Variants in USP12 observed in about 807,000 individuals in gnomAD.
USP12 encodes the protein ubiquitin carboxyl-terminal hydrolase 12.
USP12 carries 19 observed loss-of-function variants against 45.5 expected under a neutral mutation model. The observed-to-expected ratio is 0.42, with a 90% CI of 0.29 to 0.61. The LOEUF (loss-of-function observed/expected upper bound fraction) is 0.61, where lower values mean the gene tolerates loss of function less well. Among genes scored for constraint, USP12 ranks in the 20% least tolerant of loss-of-function variants. USP12 has a pLI of 0.22. For missense variants in USP12, 242 were observed against 447.7 expected (o/e 0.54, Z 4.15); for synonymous variants, 149 against 148.8 (o/e 1.00, Z -0.01).
intron 2 of USP12, among the ~76,000 whole-genome samples, chr13:27,111,714 A>C (rs1389684163): frequency 6.6e-6 from 1 of 152,226 alleles, no homozygotes; most frequent in African/African-American, 2.4e-5. Flanking sequence ...TAAAAATGTA[A>C]AGGAATGCAA....
At chr13:27,102,300 T>C (rs1593184708) in intron 3 of USP12, among the ~76,000 whole-genome samples, 1 of 152,164 alleles carries the variant, frequency 6.6e-6, no homozygotes, top group African/African-American at 2.4e-5. Context: ...AGGCAGTACC[T>C]GTAAAGAGAG....
chr13:27,086,195 A>ATATATATATAT (rs1326329926), intron 6 of USP12, among the ~76,000 whole-genome samples: 7 of 61,990 alleles, frequency 1.1e-4, no homozygotes, highest in East Asian at 5.4e-4. Context: ...AAAAAAAAAA[A>ATATATATATAT]AAATATATAT....
At chr13:27,169,801 A>T (rs1200276289) in intron 1 of USP12, among the ~76,000 whole-genome samples, 1 of 152,168 alleles carries the variant, frequency 6.6e-6, no homozygotes, top group Non-Finnish European at 1.5e-5. Flanking sequence ...AACACCAAGA[A>T]AACAGGGGCT....
chr13:27,095,091 G>A (rs776662456), intron 4 of USP12, among the ~76,000 whole-genome samples: 4 of 152,162 alleles, frequency 2.6e-5, no homozygotes, highest in Non-Finnish European at 5.9e-5. Flanking sequence ...GGAAGTCGAG[G>A]CTACAGTGAG....
chr13:27,132,788 T>C (rs922968199), intron 1 of USP12, among the ~76,000 whole-genome samples: 1 of 152,184 alleles, frequency 6.6e-6, no homozygotes, highest in Non-Finnish European at 1.5e-5. Context: ...TCTTCTCTGC[T>C]CTCTCCACTC....
In USP12 at chr13:27,083,565, G is replaced by A. The variant is rs374541339; in HGVS notation, c.734+6318C>T. Among the ~76,000 whole-genome samples, 86 of 152,194 alleles carry A rather than the reference G, an allele frequency of 5.7e-4. 2 individuals carry two copies. In the South Asian group the frequency reaches 0.016, roughly 29 times the overall value. Reference sequence around the variant, plus strand: ...TCACCTATATGCTTTAACCTCCCATGGGATAAACGTATATGACCATTAGAG... The same window carrying A: ...TCACCTATATGCTTTAACCTCCCATAGGATAAACGTATATGACCATTAGAG... On this transcript the variant is annotated intron_variant, in intron 6 of 8. Coordinates refer to ENST00000282344, the MANE Select transcript of USP12 (RefSeq NM_182488.4).
chr13:27,148,858 A>C lies in USP12; in HGVS notation c.48+22734T>G, dbSNP rs190205374. On this transcript the variant is annotated intron_variant, in intron 1 of 8. Coordinates refer to ENST00000282344, the MANE Select transcript of USP12 (RefSeq NM_182488.4). ...TCCAACACCTTGTCATGATAAAAACATAGAAAAGAATTCCTCTCTGAATAC... is the reference window on the plus strand; with the variant it reads ...TCCAACACCTTGTCATGATAAAAACCTAGAAAAGAATTCCTCTCTGAATAC... Among the ~76,000 whole-genome samples, 591 of 150,168 alleles carry C rather than the reference A, an allele frequency of 3.9e-3. 1 individual carries two copies. The highest frequency in any genetic ancestry group is 6.3e-3 in the Non-Finnish European group (427 of 67,636).
intron 1 of USP12, among the ~76,000 whole-genome samples, chr13:27,123,857 G>A (rs1041107081): frequency 5.9e-5 from 9 of 152,264 alleles, no homozygotes; most frequent in South Asian, 2.1e-4. Flanking sequence ...CTAATACATA[G>A]GCAATGGGGC....
chr13:27,104,791 T>C (rs568616645), intron 3 of USP12, among the ~76,000 whole-genome samples: 45 of 152,336 alleles, frequency 3.0e-4, no homozygotes, highest in South Asian at 2.7e-3. Flanking sequence ...GATTACGCAA[T>C]AGGGTATTTA....
intron 1 of USP12, among the ~76,000 whole-genome samples, chr13:27,163,895 G>C (rs752129044): frequency 1.3e-5 from 2 of 151,986 alleles, no homozygotes; most frequent in Non-Finnish European, 2.9e-5. Context: ...GGCTTCCCAG[G>C]GGTCAAGAGG....
chr13:27,161,000 A>G (rs1878083038), intron 1 of USP12, among the ~76,000 whole-genome samples: 2 of 152,072 alleles, frequency 1.3e-5, no homozygotes, highest in Non-Finnish European at 2.9e-5. Flanking sequence ...ACAAAGCGTC[A>G]TCTTTCAAGG....
chr13:27,155,734 T>TTA (rs1877804261), intron 1 of USP12, among the ~76,000 whole-genome samples: 1 of 152,204 alleles, frequency 6.6e-6, no homozygotes, highest in Non-Finnish European at 1.5e-5. Context: ...ATCTTATTAA[T>TTA]TATAGTTCAG....
chr13:27,138,103 G>C (rs539953809), intron 1 of USP12, among the ~76,000 whole-genome samples: 2 of 152,386 alleles, frequency 1.3e-5, no homozygotes, highest in South Asian at 4.1e-4. Context: ...ACTGAGTACA[G>C]CCTTGCAGAG....
At chr13:27,087,143 G>A (rs1874089133) in intron 6 of USP12, among the ~76,000 whole-genome samples, 1 of 151,856 alleles carries the variant, frequency 6.6e-6, no homozygotes, top group South Asian at 2.1e-4. Context: ...GAGTGTGTGT[G>A]TGTTTATGCA....
intron 6 of USP12, among the ~76,000 whole-genome samples, chr13:27,083,559 T>TC (rs1873862286): frequency 6.6e-6 from 1 of 152,062 alleles, no homozygotes; most frequent in Non-Finnish European, 1.5e-5. Flanking sequence ...TGCTTTAACC[T>TC]CCCATGGGAT....
Position 27,089,884 on chromosome 13 carries a change from G to C in USP12, c.733C>G (p.Arg245Gly), listed in dbSNP as rs759422176. 6.2e-7 allele frequency: 1 copy of C among 1,608,960 alleles called. No individual in the cohort carries two copies. The highest frequency in any genetic ancestry group is 1.7e-5 in the Admixed American group (1 of 59,864). Residue 245 changes from arginine (R) to glycine (G), a missense_variant and splice_region_variant, in exon 6 of 9, where the codon CGG (arginine) becomes GGG (glycine). By Grantham distance (125) the Arg-to-Gly change is moderately radical. This residue lies in a region of USP12 where 94 missense variants were observed against 168.3 expected (regional missense o/e 0.56). Coordinates refer to ENST00000282344, the MANE Select transcript of USP12 (RefSeq NM_182488.4). Reference protein sequence around the residue: ...ECRSKQEAHKRMKVKKLPMIL... With the variant: ...ECRSKQEAHKGMKVKKLPMIL... ...AAATCCATAAAGCTCTAAAATTACC[G>C]TTTGTGTGCTTCCTGTTTGCTGCGA... is the stretch of plus-strand genomic sequence containing the variant.
At chr13:27,111,518 T>G (rs497329) in intron 2 of USP12, among the ~76,000 whole-genome samples, 149,581 of 152,262 alleles carry the variant, frequency 0.98, 73,528 homozygotes, top group East Asian at 1. Flanking sequence ...CTCGAGGTCT[T>G]ATCATTGATT....
chr13:27,110,186 A>G (rs2137791565), intron 2 of USP12, among the ~76,000 whole-genome samples: 1 of 150,456 alleles, frequency 6.6e-6, no homozygotes, highest in South Asian at 2.1e-4. Context: ...TAATTGTTCA[A>G]GCTAGGTTGA....
At chr13:27,139,567 GATCGCGCCACTGCAC>G (rs919694855) in intron 1 of USP12, among the ~76,000 whole-genome samples, 7 of 152,244 alleles carry the variant, frequency 4.6e-5, no homozygotes, top group Non-Finnish European at 8.8e-5. Flanking sequence ...AGTGAGCCGA[GATCGCGCCACTGCAC>G]TCCAGCCTGG....
Sources: allele counts gnomAD v4.1 joint callset (sites outside exome capture counted in the v4.1 genomes callset), GRCh38; gene constraint gnomAD v4.1.1; regional missense constraint gnomAD v4.1.1; transcripts MANE v1.5; gene names NCBI Gene and HGNC (gene_info 2026-07-23, HGNC 2026-07-21).